Variants in JADE1 observed in about 807,000 individuals in gnomAD.
The protein encoded by JADE1 is protein Jade-1.
JADE1 carries 14 observed loss-of-function variants against 81.8 expected under a neutral mutation model. The ratio of observed to expected loss-of-function variants is 0.17; its 90% CI spans 0.11 to 0.27. The LOEUF (loss-of-function observed/expected upper bound fraction) is 0.27, where lower values mean the gene tolerates loss of function less well. Ranked by LOEUF, JADE1 falls within the 10% of genes least tolerant of loss-of-function variation. JADE1 has a pLI of 1.00. For missense variants in JADE1, 690 were observed against 1,047.9 expected, an observed-to-expected ratio of 0.66 and a Z score of 4.71; for synonymous variants, 353 against 391.9, an observed-to-expected ratio of 0.90 and a Z score of 1.17.
chr4:128,844,305 C>A (rs1309671243), intron 3 of JADE1, among the ~76,000 whole-genome samples: 4 of 152,194 alleles, frequency 2.6e-5, no homozygotes, highest in Non-Finnish European at 4.4e-5. Flanking sequence ...GGGGGCCCAG[C>A]AGCACGGGTT....
Position 128,828,946 on chromosome 4 carries a change from A to G in JADE1, c.-26-2787A>G, listed in dbSNP as rs190062098. Among the ~76,000 whole-genome samples, 251 of 152,202 alleles carry G rather than the reference A, an allele frequency of 1.6e-3. 2 individuals are homozygous for G. In the Middle Eastern group the frequency reaches 0.034, roughly 21 times the overall value. On this transcript the variant is annotated intron_variant, in intron 1 of 10. Transcript: ENST00000226319. ...ACATGTGAGCCACCGCGACCAGCCT[A>G]GTACTAATTTTTTTTAGCACTCTTT...
intron 1 of JADE1, among the ~76,000 whole-genome samples, chr4:128,825,960 G>C (rs1215480532): frequency 6.6e-6 from 1 of 152,204 alleles, no homozygotes; most frequent in Non-Finnish European, 1.5e-5. Flanking sequence ...AGACACCAGA[G>C]GATTGTTAAG....
intron 10 of JADE1, among the ~76,000 whole-genome samples, chr4:128,869,690 G>C (rs1444220400): frequency 6.6e-6 from 1 of 152,212 alleles, no homozygotes; most frequent in Non-Finnish European, 1.5e-5. Flanking sequence ...TAACAGAGCT[G>C]TAATGTAGAT....
At position 128,830,934 on chromosome 4, in the gene JADE1, G is replaced by A. The variant is rs185695262; in HGVS notation, c.-26-799G>A. On this transcript the variant is annotated intron_variant, in intron 1 of 10. Coordinates refer to ENST00000226319, the MANE Select transcript of JADE1 (RefSeq NM_199320.4). ...TACCTGGGAGGAGTTGGCCAGGTGC[G>A]CTGGGTCTTTGTACAAACTGACTTC... Among the ~76,000 whole-genome samples, 9 of 152,264 alleles carry A rather than the reference G, an allele frequency of 5.9e-5. No homozygotes were observed. In the East Asian group the frequency reaches 1.5e-3, roughly 26 times the overall value.
Position 128,872,349 on chromosome 4 carries a change from A to G in JADE1, c.*87A>G, listed in dbSNP as rs1271758925. On this transcript the variant is annotated 3_prime_UTR_variant, in exon 11 of 11. Coordinates refer to ENST00000226319, the MANE Select transcript of JADE1 (RefSeq NM_199320.4). ...TGATGTGGGGGAGAAGCAGAAACCC[A>G]TTAATCCTGAGCTACACAAACACAT... 1 of 1,117,148 alleles carries G rather than the reference A, an allele frequency of 9.0e-7. No homozygotes were observed. The highest frequency in any genetic ancestry group is 1.6e-5 in the African/African-American group (1 of 63,636). 69.2% of individuals were successfully genotyped at this position (1,117,148 alleles called of 1,614,324 possible). A position where few individuals can be genotyped will look rare whatever the true frequency, so the allele number is the denominator to read the frequency against.
chr4:128,813,775 C>G, intron 1 of JADE1, among the ~76,000 whole-genome samples: 1 of 151,936 alleles, frequency 6.6e-6, no homozygotes, highest in East Asian at 1.9e-4. Context: ...TTGCTGTCTT[C>G]TTCAAAGTTT....
At position 128,871,219 on chromosome 4, in the gene JADE1, C is replaced by A; in HGVS notation, c.1622-136C>A. On this transcript the variant is annotated intron_variant, in intron 10 of 10. Coordinates refer to ENST00000226319, the MANE Select transcript of JADE1 (RefSeq NM_199320.4). This position sits in a 1 kb window ranked among gnomAD's most constrained non-coding sequence, Gnocchi z 4.1. ...CTTCACTATAAAAACCAAATTTGTACAAACTTGGTGGTGTAAGTGTTGTGT... is the reference window on the plus strand; with the variant it reads ...CTTCACTATAAAAACCAAATTTGTAAAAACTTGGTGGTGTAAGTGTTGTGT... The A allele has an allele frequency of 2.4e-6, 2 of 848,642 alleles. No individual in the cohort carries two copies. Among genetic ancestry groups the A allele is most frequent in the African/African-American group, 1.7e-5 (1 of 58,694 alleles). The allele number at this position is 848,642 out of a possible 1,614,324, so 52.6% of individuals were successfully genotyped here.
intron 1 of JADE1, among the ~76,000 whole-genome samples, chr4:128,826,622 A>C (rs187161845): frequency 1.3e-3 from 198 of 147,566 alleles, no homozygotes; most frequent in Middle Eastern, 7.4e-3. Context: ...GCTCCTCTCT[A>C]TCTATTGCAT....
chr4:128,852,368 G>T lies in JADE1; in HGVS notation c.696+100G>T, dbSNP rs1041762233. The T allele has an allele frequency of 1.3e-5, 12 of 912,492 alleles. No homozygotes were observed. In the African/African-American group the frequency reaches 1.5e-4, roughly 11 times the overall value. The allele number at this position is 912,492 out of a possible 1,614,324, so 56.5% of individuals were successfully genotyped here. A position where few individuals can be genotyped will look rare whatever the true frequency, so the allele number is the denominator to read the frequency against. On this transcript the variant is annotated intron_variant, in intron 6 of 10. Transcript: ENST00000226319. ...GTCCAGGATTCTTCCTCCGAATGGG[G>T]TCTGTGTTTCTACGATTTAAAGAAA...
intron 1 of JADE1, among the ~76,000 whole-genome samples, chr4:128,821,277 T>A (rs1207971239): frequency 1.3e-5 from 2 of 152,174 alleles, no homozygotes; most frequent in African/African-American, 4.8e-5. Flanking sequence ...ATAGGGCAAA[T>A]GGGCTTTATC....
rs1356327994 is a variant in JADE1, at chr4:128,871,058, C to T, written c.1622-297C>T. On this transcript the variant is annotated intron_variant, in intron 10 of 10. Transcript: ENST00000226319. This position sits in a 1 kb window ranked among gnomAD's most constrained non-coding sequence, Gnocchi z 4.1. ...CACCTGATGAGTTCTGCATGGAGTC[C>T]GCTCTGAAAATCAGATCAGTTATTT... Among the ~76,000 whole-genome samples, 7 of 152,132 alleles carry T rather than the reference C, an allele frequency of 4.6e-5. No homozygotes were observed. The highest frequency in any genetic ancestry group is 1.0e-4 in the Non-Finnish European group (7 of 68,032).
At chr4:128,839,365 G>A (rs1282729969) in intron 2 of JADE1, among the ~76,000 whole-genome samples, 1 of 152,210 alleles carries the variant, frequency 6.6e-6, no homozygotes, top group Non-Finnish European at 1.5e-5. Flanking sequence ...CAGACCACTT[G>A]TGTAAAGTAA....
intron 2 of JADE1, among the ~76,000 whole-genome samples, chr4:128,842,641 A>C (rs917829000): frequency 2.0e-5 from 3 of 151,942 alleles, no homozygotes; most frequent in Non-Finnish European, 4.4e-5. Flanking sequence ...GAGACTTTGA[A>C]CCTCTTCAGT....
At position 128,872,124 on chromosome 4, in the gene JADE1, C is replaced by T. The variant is rs781180687; in HGVS notation, c.2391C>T (p.Asp797=). The change falls in exon 11 of 11, where the codon GAC becomes GAT. Residue 797 remains aspartate (D), a synonymous_variant. Transcript: ENST00000226319. ...GGGCAAAAAGCAAATTAAAATCCGA[C>T]AATGAGAATGACGGGTATGTCCCCG... ...KERAKSKLKS[D]NENDGYVPDV... The T allele has an allele frequency of 3.7e-5, 59 of 1,614,010 alleles. No homozygotes were observed. The highest frequency in any genetic ancestry group is 1.5e-4 in the Admixed American group (9 of 60,004).
At chr4:128,830,434 A>G (rs776222357) in intron 1 of JADE1, among the ~76,000 whole-genome samples, 1 of 150,736 alleles carries the variant, frequency 6.6e-6, no homozygotes, top group Non-Finnish European at 1.5e-5. Context: ...GAGTTTCACC[A>G]TGTTGGCCAG....
chr4:128,838,021 C>CTGGGGAGAT (rs1729122875), intron 2 of JADE1, among the ~76,000 whole-genome samples: 1 of 152,138 alleles, frequency 6.6e-6, no homozygotes, highest in Non-Finnish European at 1.5e-5. Flanking sequence ...TTCAGGTTTT[C>CTGGGGAGAT]CTTATTTTAG....
rs147935724 is a variant in JADE1, at chr4:128,847,059, G to C, written c.296+527G>C. Among the ~76,000 whole-genome samples the C allele has an allele frequency of 7.2e-3, 1,101 of 152,248 alleles. 9 individuals carry two copies. The highest frequency in any genetic ancestry group is 0.025 in the African/African-American group (1,057 of 41,538). ...GTTTTGGAGGGATTTATTTTGACTG[G>C]TCACATTATTCTTGGGGTACGTTCT... On this transcript the variant is annotated intron_variant, in intron 4 of 10. Coordinates refer to ENST00000226319, the MANE Select transcript of JADE1 (RefSeq NM_199320.4).
chr4:128,849,262 T>C (rs1369541547), intron 5 of JADE1, 95 bp downstream of exon 5: 1 of 1,042,956 alleles, frequency 9.6e-7, no homozygotes, highest in South Asian at 1.7e-5. Flanking sequence ...TTATTGCCAG[T>C]TGCAGGCAGC....
chr4:128,830,900 A>G (rs961966039), intron 1 of JADE1, among the ~76,000 whole-genome samples: 6 of 152,190 alleles, frequency 3.9e-5, no homozygotes, highest in Non-Finnish European at 7.4e-5. Context: ...GAATTCTGTT[A>G]TCATCAGCTA....
Sources: gnomAD v4.1 joint callset for allele counts (sites outside exome capture counted in the v4.1 genomes callset) on GRCh38, gnomAD v4.1.1 for gene constraint, Gnocchi (gnomAD v3.1) non-coding constraint, MANE v1.5 for transcripts, NCBI Gene and HGNC (gene_info 2026-07-23, HGNC 2026-07-21) for gene names.